GABBR2: variants seen among roughly 807,000 people sequenced by gnomAD.
GABBR2 encodes G-protein coupled receptor 51.
A neutral mutation model predicts 105.6 loss-of-function variants in GABBR2; 23 were observed. The ratio of observed to expected loss-of-function variants is 0.22; its 90% confidence interval spans 0.16 to 0.31. The LOEUF (loss-of-function observed/expected upper bound fraction) is 0.31. Among genes scored for constraint, GABBR2 ranks in the 10% least tolerant of loss-of-function variants. The probability of loss-of-function intolerance (pLI) is 1.00; values close to 1 mark genes in which losing one functional copy is unlikely to be tolerated. For synonymous variants in GABBR2, 478 were observed against 499.7 expected (o/e 0.96, Z 0.58); for missense variants, 734 against 1,245.5 (o/e 0.59, Z 6.18).
intron 3 of GABBR2, among the ~76,000 whole-genome samples, chr9:98,496,902 G>A (rs1429275532): frequency 6.6e-6 from 1 of 152,132 alleles, no homozygotes; most frequent in Non-Finnish European, 1.5e-5. Flanking sequence ...TCACTTTTAT[G>A]GTGAGGAAAT....
intron 3 of GABBR2, among the ~76,000 whole-genome samples, chr9:98,520,556 C>T (rs73488456): frequency 0.017 from 2,657 of 152,322 alleles, 77 homozygotes; most frequent in African/African-American, 0.059. Context: ...GCCTCTGCAA[C>T]CCCCTCCCCA....
intron 7 of GABBR2, among the ~76,000 whole-genome samples, chr9:98,434,779 A>G (rs1007632570): frequency 2.6e-5 from 4 of 152,206 alleles, no homozygotes; most frequent in Non-Finnish European, 5.9e-5. Flanking sequence ...GACAGCCTCC[A>G]CAAGTGGCTG....
chr9:98,523,996 C>G (rs1930408), intron 3 of GABBR2, among the ~76,000 whole-genome samples: 1 of 64,364 alleles, frequency 1.6e-5, no homozygotes, highest in Non-Finnish European at 3.8e-5. Flanking sequence ...CAAGAAAGGG[C>G]CTATAACAAA....
rs1564075329 is a variant in GABBR2, at chr9:98,453,997, T to C, written c.1220A>G (p.Asn407Ser). The change falls in exon 7 of 19, where the codon AAC becomes AGC. Residue 407 changes from asparagine (N) to serine (S), a missense_variant. By Grantham distance (46) the Asn-to-Ser change is conservative. Transcript: ENST00000259455. ...GGGACTGACCGTGACCCCGAAGAAG[T>C]TGGTCTCGTTCATGGCATTGAGGAT... is the stretch of plus-strand genomic sequence containing the variant. ...RIILNAMNET[N>S]FFGVTGQVVF... is the part of the protein sequence containing the mutation. 2 of 1,612,804 alleles carry C rather than the reference T, an allele frequency of 1.2e-6. No individual in the cohort carries two copies. Among genetic ancestry groups the C allele is most frequent in the Non-Finnish European group, 1.7e-6 (2 of 1,178,814 alleles).
At chr9:98,705,424 ATC>A (rs1426118004) in intron 1 of GABBR2, among the ~76,000 whole-genome samples, 1 of 152,200 alleles carries the variant, frequency 6.6e-6, no homozygotes, top group Non-Finnish European at 1.5e-5. Flanking sequence ...CTAAATCTCC[ATC>A]TCTCTGCAGA....
chr9:98,557,597 G>A (rs1828608334), intron 2 of GABBR2, among the ~76,000 whole-genome samples: 1 of 152,174 alleles, frequency 6.6e-6, no homozygotes. Flanking sequence ...GGGATCATCT[G>A]CCAGAGTCAC....
At chr9:98,506,496 G>T (rs1173529989) in intron 3 of GABBR2, among the ~76,000 whole-genome samples, 1 of 152,198 alleles carries the variant, frequency 6.6e-6, no homozygotes, top group African/African-American at 2.4e-5. Flanking sequence ...TCGCAGGGAT[G>T]AGGCAACTTC....
intron 3 of GABBR2, among the ~76,000 whole-genome samples, chr9:98,524,901 C>T (rs1410851782): frequency 6.6e-6 from 1 of 152,044 alleles, no homozygotes; most frequent in African/African-American, 2.4e-5. Flanking sequence ...GGTGCCAAGA[C>T]CATTTAATGA....
intron 2 of GABBR2, among the ~76,000 whole-genome samples, chr9:98,577,057 T>G: frequency 7.6e-6 from 1 of 132,330 alleles, no homozygotes; most frequent in South Asian, 2.4e-4. Context: ...GATGGATGGA[T>G]GGACAGATGG....
chr9:98,682,165 T>C (rs1417025836), intron 1 of GABBR2, among the ~76,000 whole-genome samples: 3 of 149,674 alleles, frequency 2.0e-5, no homozygotes, highest in Non-Finnish European at 4.4e-5. Flanking sequence ...AGGTGGAGGC[T>C]GCAATAAGCT....
intron 1 of GABBR2, among the ~76,000 whole-genome samples, chr9:98,633,046 A>C (rs1380938621): frequency 6.6e-6 from 1 of 152,180 alleles, no homozygotes; most frequent in Non-Finnish European, 1.5e-5. Context: ...CCTAGGTTGT[A>C]GTGTTTGTAG....
chr9:98,557,076 G>C (rs1828598036), intron 2 of GABBR2, among the ~76,000 whole-genome samples: 1 of 152,074 alleles, frequency 6.6e-6, no homozygotes, highest in African/African-American at 2.4e-5. Flanking sequence ...TGAGAACTTG[G>C]AATATGAACA....
chr9:98,694,523 T>C (rs971740059), intron 1 of GABBR2, among the ~76,000 whole-genome samples: 3 of 152,252 alleles, frequency 2.0e-5, no homozygotes, highest in Non-Finnish European at 2.9e-5. Flanking sequence ...CAGAGTGTTA[T>C]AATCTAATAC....
chr9:98,422,454 G>A (rs1341439394), intron 7 of GABBR2, among the ~76,000 whole-genome samples: 1 of 151,902 alleles, frequency 6.6e-6, no homozygotes, highest in Non-Finnish European at 1.5e-5. Context: ...AACAGCCTAA[G>A]AAATTCTCAT....
At chr9:98,348,429 T>G (rs758831912) in intron 13 of GABBR2, among the ~76,000 whole-genome samples, 1 of 152,240 alleles carries the variant, frequency 6.6e-6, no homozygotes, top group Non-Finnish European at 1.5e-5. Flanking sequence ...CTTTTGTGGT[T>G]CCATATGAAT....
At chr9:98,706,191 C>T (rs1830891858) in intron 1 of GABBR2, among the ~76,000 whole-genome samples, 1 of 151,914 alleles carries the variant, frequency 6.6e-6, no homozygotes, top group African/African-American at 2.4e-5. Flanking sequence ...TGCCAGAGCA[C>T]TGGCCGCTGA....
intron 3 of GABBR2, 122 bp from the exon 4 acceptor site, chr9:98,496,636 G>A (rs1250091619): frequency 7.2e-6 from 5 of 694,612 alleles, no homozygotes; most frequent in Admixed American, 4.3e-5. Context: ...AATGCAAAGT[G>A]AGTGGTTTTG....
chr9:98,698,674 A>G (rs337546), intron 1 of GABBR2, among the ~76,000 whole-genome samples: 106,412 of 151,500 alleles, frequency 0.7, 38,612 homozygotes, highest in Middle Eastern at 0.84. Flanking sequence ...TAATTTTTGT[A>G]TTTTTAGTAG....
intron 1 of GABBR2, among the ~76,000 whole-genome samples, chr9:98,603,851 G>A (rs1251268839): frequency 1.3e-5 from 2 of 152,240 alleles, no homozygotes; most frequent in African/African-American, 2.4e-5. Context: ...CATAATTAGA[G>A]CAGCATGGAG....
Sources: allele counts gnomAD v4.1 joint callset (sites outside exome capture counted in the v4.1 genomes callset), GRCh38; gene constraint gnomAD v4.1.1; transcripts MANE v1.5; gene names NCBI Gene and HGNC (gene_info 2026-07-23, HGNC 2026-07-21).